The following USP42 variants were observed in gnomAD, a reference collection of about 807,000 sequenced individuals.
The protein encoded by USP42 is ubiquitin specific peptidase 42.
A neutral mutation model predicts 113.0 loss-of-function variants in USP42; 23 were observed. The observed-to-expected ratio is 0.20, with a 90% CI of 0.15 to 0.29. The LOEUF (loss-of-function observed/expected upper bound fraction) is 0.29, where lower values mean the gene tolerates loss of function less well. Ranked by LOEUF, USP42 falls within the 10% of genes least tolerant of loss-of-function variation. The pLI, the probability that USP42 is intolerant of heterozygous loss-of-function variation, is 1.00. For synonymous variants in USP42, 933 were observed against 699.0 expected, an observed-to-expected ratio of 1.33 and a Z score of -5.28; for missense variants, 2,174 against 1,779.8, an observed-to-expected ratio of 1.22 and a Z score of -3.99.
At chr7:6,120,484 C>G (rs910650665) in intron 3 of USP42, among the ~76,000 whole-genome samples, 22 of 152,152 alleles carry the variant, frequency 1.4e-4, no homozygotes, top group African/African-American at 5.1e-4. Flanking sequence ...CTCAAGTGAT[C>G]TGCCCGACTC....
upstream of USP42, among the ~76,000 whole-genome samples, chr7:6,100,363 CT>C (rs1790082997): frequency 6.7e-6 from 1 of 149,812 alleles, no homozygotes; most frequent in Admixed American, 6.6e-5. Context: ...GAGTTTCGCT[CT>C]TGTTGCCCAG....
At chr7:6,129,044 T>C (rs1215960216) in intron 3 of USP42, among the ~76,000 whole-genome samples, 1 of 152,064 alleles carries the variant, frequency 6.6e-6, no homozygotes, top group Non-Finnish European at 1.5e-5. Context: ...ACTCCTGGGC[T>C]CAGGCCATCC....
rs1016902642 is a variant in USP42, at chr7:6,161,543, A to G, written c.*1025A>G. ...ATACAGCATGTAAAATTTCTATAGT[A>G]TATAAATGGCAGCAAATCACACACT... On this transcript the variant is annotated 3_prime_UTR_variant, in exon 18 of 18. Transcript: ENST00000306177. The G allele has an allele frequency of 5.2e-5, 8 of 152,642 alleles. No homozygotes were observed. The highest frequency in any genetic ancestry group is 1.2e-4 in the Non-Finnish European group (8 of 68,042). 9.5% of individuals were successfully genotyped at this position (152,642 alleles called of 1,614,324 possible).
chr7:6,149,995 A>G lies in USP42; in HGVS notation c.1799A>G (p.Asn600Ser), dbSNP rs776028494. ...GTGATGAATGGCAAATCCAAGCTGA[A>G]CTCCAGCGTGCTGGTGCCCTATGGC... ...QPVMNGKSKL[N>S]SSVLVPYGAE... Residue 600 changes from asparagine to serine, a missense_variant, in exon 13 of 18, where the codon AAC becomes AGC. Physicochemically the swap from Asn to Ser is conservative, Grantham distance 46. Transcript: ENST00000306177. 4 of 1,613,396 alleles carry G rather than the reference A, an allele frequency of 2.5e-6. No homozygotes were observed. The highest frequency in any genetic ancestry group is 1.6e-4 in the Middle Eastern group (1 of 6,084).
chr7:6,154,892 G>T lies in USP42; in HGVS notation c.3338G>T (p.Arg1113Leu). 6.5e-7 allele frequency: 1 copy of T among 1,539,012 alleles called. No individual in the cohort carries two copies. The highest frequency in any genetic ancestry group is 1.2e-5 in the South Asian group (1 of 83,338). ...CEPARERERH[R>L]PSSPRAGAPH... ...CCGGCCCGGGAGAGGGAGCGGCACC[G>T]CCCCAGCAGCCCCCGCGCAGGCGCG... The change falls in exon 15 of 18, where the codon CGC becomes CTC. Residue 1113 changes from arginine to leucine, a missense_variant. Coordinates refer to ENST00000306177, the MANE Select transcript of USP42 (RefSeq NM_032172.3).
Position 6,154,437 on chromosome 7 carries a change from C to T in USP42, c.2883C>T (p.Ser961=). 6.4e-7 allele frequency: 1 copy of T among 1,569,762 alleles called. No individual in the cohort carries two copies. The highest frequency in any genetic ancestry group is 1.2e-5 in the South Asian group (1 of 85,380). Residue 961 remains serine (S), a synonymous_variant, in exon 15 of 18, where the codon TCC becomes TCT. Coordinates refer to ENST00000306177, the MANE Select transcript of USP42 (RefSeq NM_032172.3). ...GHYRSRRERS[S]SGEPARESRS... The stretch of plus-strand genomic sequence containing the variant: ...ACCGCAGCCGGAGAGAGCGCTCGTC[C>T]AGCGGGGAGCCCGCCAGAGAGAGCA...
chr7:6,156,808 A>T lies in USP42; in HGVS notation c.3696A>T (p.Arg1232Ser), dbSNP rs765819108. 2.7e-5 allele frequency: 44 copies of T among 1,605,586 alleles called. No homozygotes were observed. Among genetic ancestry groups the T allele is most frequent in the Non-Finnish European group, 3.7e-5 (43 of 1,177,190 alleles). ...SAACSDADLH[R>S]HKKKKKKKKR... Reference sequence around the variant, plus strand: ...CGTGCTCTGACGCTGACCTCCACAGACACAAAAAAAAGAAGAAGAAAAAGA... The same window carrying T: ...CGTGCTCTGACGCTGACCTCCACAGTCACAAAAAAAAGAAGAAGAAAAAGA... Residue 1232 changes from arginine to serine, a missense_variant, in exon 16 of 18, where the codon AGA (arginine) becomes AGT (serine). Transcript: ENST00000306177.
intron 14 of USP42, among the ~76,000 whole-genome samples, chr7:6,151,626 A>G (rs578102124): frequency 6.6e-6 from 1 of 152,148 alleles, no homozygotes; most frequent in African/African-American, 2.4e-5. Context: ...TATTTTTAGT[A>G]GAGACAGGGT....
At chr7:6,094,674 C>T in the USP42 span, among the ~76,000 whole-genome samples, 1 of 151,294 alleles carries the variant, frequency 6.6e-6, no homozygotes, top group Admixed American at 6.6e-5. Context: ...GAGACACCAG[C>T]CTTGCATCCT....
the USP42 span, among the ~76,000 whole-genome samples, chr7:6,088,213 C>T: frequency 1.3e-5 from 2 of 151,184 alleles, no homozygotes; most frequent in Non-Finnish European, 2.9e-5. Flanking sequence ...GAGTGAGACC[C>T]TGTCTCTAAA....
At chr7:6,093,097 T>C in the USP42 span, 1 of 150,454 alleles carries the variant, frequency 6.6e-6, no homozygotes, top group Non-Finnish European at 1.5e-5. Flanking sequence ...ATCTGAGCAC[T>C]CTGAGTAAAC....
At position 6,153,834 on chromosome 7, in the gene USP42, G is replaced by A. The variant is rs1417251914; in HGVS notation, c.2280G>A (p.Leu760=). The change falls in exon 15 of 18, where the codon CTG becomes CTA. Residue 760 remains leucine (L), a synonymous_variant. Coordinates refer to ENST00000306177, the MANE Select transcript of USP42 (RefSeq NM_032172.3). ...CTGGCAGCCCCGCCGCCGAATCCCT[G>A]GAGGAGCCAGATGCGGCCGCCGGCC... ...PQPGSPAAES[L]EEPDAAAGLS... is the part of the protein sequence containing the mutation. 2.6e-6 allele frequency: 4 copies of A among 1,542,570 alleles called. No individual in the cohort carries two copies. Among genetic ancestry groups the A allele is most frequent in the African/African-American group, 2.8e-5 (2 of 72,252 alleles).
chr7:6,134,347 C>G, intron 3 of USP42, among the ~76,000 whole-genome samples: 1 of 152,132 alleles, frequency 6.6e-6, no homozygotes. Context: ...CCGGTCATTT[C>G]TGCATCTTTG....
Position 6,149,904 on chromosome 7 carries a change from T to A in USP42, c.1708T>A (p.Ser570Thr). The A allele has an allele frequency of 6.2e-7, 1 of 1,614,046 alleles. No individual in the cohort carries two copies. The highest frequency in any genetic ancestry group is 1.1e-5 in the South Asian group (1 of 91,088). Reference protein sequence around the residue: ...NSAVQSTSNASTMSVSSKVTK... With the variant: ...NSAVQSTSNATTMSVSSKVTK... The stretch of plus-strand genomic sequence containing the variant: ...TGCAGTACAGTCTACCTCGAACGCA[T>A]CTACGATGTCAGTTTCTAGTAAAGT... Residue 570 changes from serine to threonine, a missense_variant, in exon 13 of 18, where the codon TCT becomes ACT. Physicochemically the swap from Ser to Thr is moderately conservative, Grantham distance 58. Coordinates refer to ENST00000306177, the MANE Select transcript of USP42 (RefSeq NM_032172.3).
At chr7:6,097,953 G>T in the USP42 span, among the ~76,000 whole-genome samples, 8 of 127,668 alleles carry the variant, frequency 6.3e-5, no homozygotes, top group South Asian at 1.9e-3. Flanking sequence ...TTGCCAGGCT[G>T]GAGTGCTGTG....
the USP42 span, among the ~76,000 whole-genome samples, chr7:6,087,997 C>T: frequency 6.6e-6 from 1 of 151,184 alleles, no homozygotes; most frequent in African/African-American, 2.5e-5. Context: ...CAACGGTTAC[C>T]TGCTATTAAT....
intron 2 of USP42, among the ~76,000 whole-genome samples, chr7:6,114,871 T>C (rs1779827777): frequency 6.6e-6 from 1 of 151,196 alleles, no homozygotes; most frequent in Admixed American, 6.6e-5. Context: ...TTTGTATTTT[T>C]AGTAGAGACG....
intron 5 of USP42, 120 bp from the exon 6 acceptor site, chr7:6,140,008 C>A: frequency 1.0e-6 from 1 of 961,360 alleles, no homozygotes; most frequent in Non-Finnish European, 1.7e-6. Context: ...CTTTTATTTT[C>A]CATGGCTGTC....
chr7:6,096,119 G>A, the USP42 span, among the ~76,000 whole-genome samples: 2 of 150,844 alleles, frequency 1.3e-5, no homozygotes, highest in Non-Finnish European at 2.9e-5. Flanking sequence ...GCAGATGTTC[G>A]TGTTTTTCCA....
Sources: allele counts gnomAD v4.1 joint callset (sites outside exome capture counted in the v4.1 genomes callset), GRCh38; gene constraint gnomAD v4.1.1; transcripts MANE v1.5; gene names NCBI Gene and HGNC (gene_info 2026-07-23, HGNC 2026-07-21).